The following ADAMTSL1 variants were observed in gnomAD, a reference collection of about 807,000 sequenced individuals.
ADAMTSL1 encodes the protein ADAMTS-like protein 1.
In ADAMTSL1, 126 loss-of-function variants were observed where a neutral mutation model predicts 201.8. That is an observed-to-expected ratio of 0.62 (90% CI 0.54 to 0.72). The LOEUF (loss-of-function observed/expected upper bound fraction) is 0.72. ADAMTSL1 is among the 30% of genes least tolerant of loss of function. ADAMTSL1 has a pLI of 0.00. For missense variants in ADAMTSL1, 2,679 were observed against 2,277.8 expected, an observed-to-expected ratio of 1.18 and a Z score of -3.59; for synonymous variants, 1,121 against 903.4, an observed-to-expected ratio of 1.24 and a Z score of -4.32.
chr9:17,974,827 C>A (rs1007565213), intron 1 of ADAMTSL1, among the ~76,000 whole-genome samples: 10 of 152,000 alleles, frequency 6.6e-5, no homozygotes, highest in African/African-American at 2.4e-4. Context: ...ATGAATAATG[C>A]TGCAATGAAC....
intron 7 of ADAMTSL1, among the ~76,000 whole-genome samples, chr9:18,647,754 G>C (rs1176224265): frequency 6.6e-6 from 1 of 151,654 alleles, no homozygotes; most frequent in Non-Finnish European, 1.5e-5. Flanking sequence ...CTGAGAGACA[G>C]TTTGTTATAA....
intron 25 of ADAMTSL1, among the ~76,000 whole-genome samples, chr9:18,890,125 G>GAAAC (rs1371496899): frequency 6.6e-6 from 1 of 152,180 alleles, no homozygotes; most frequent in Admixed American, 6.5e-5. Context: ...AAGGGCTGAG[G>GAAAC]AAACAACGAT....
intron 2 of ADAMTSL1, among the ~76,000 whole-genome samples, chr9:18,253,203 A>G (rs1247463894): frequency 3.3e-5 from 5 of 152,182 alleles, no homozygotes; most frequent in Admixed American, 6.5e-5. Flanking sequence ...ACCTATGTCT[A>G]TATATGAGTG....
intron 2 of ADAMTSL1, among the ~76,000 whole-genome samples, chr9:18,310,921 A>T (rs1834126126): frequency 6.6e-6 from 1 of 152,200 alleles, no homozygotes; most frequent in African/African-American, 2.4e-5. Context: ...TTATTGCAGC[A>T]CTATTCACAA....
At chr9:18,253,280 T>G (rs566117358) in intron 2 of ADAMTSL1, among the ~76,000 whole-genome samples, 2 of 152,288 alleles carry the variant, frequency 1.3e-5, no homozygotes, top group African/African-American at 4.8e-5. Flanking sequence ...ATTGGTTACC[T>G]CAGGAAGGAG....
chr9:18,347,114 T>G (rs1388178702), intron 2 of ADAMTSL1, among the ~76,000 whole-genome samples: 1 of 152,170 alleles, frequency 6.6e-6, no homozygotes, highest in East Asian at 1.9e-4. Flanking sequence ...AAATGTGCCT[T>G]AATCTCTTCT....
chr9:18,147,467 C>A (rs1394605346), intron 1 of ADAMTSL1, among the ~76,000 whole-genome samples: 1 of 152,082 alleles, frequency 6.6e-6, no homozygotes, highest in African/African-American at 2.4e-5. Context: ...TCATTCACTG[C>A]TTGGAACCAA....
intron 5 of ADAMTSL1, among the ~76,000 whole-genome samples, chr9:18,627,671 G>T (rs1006987670): frequency 2.0e-5 from 3 of 152,074 alleles, no homozygotes; most frequent in Non-Finnish European, 4.4e-5. Flanking sequence ...TTCCTCTTCT[G>T]CCTGCCTCTT....
chr9:18,723,193 G>A (rs1817652960), intron 15 of ADAMTSL1: 2 of 699,120 alleles, frequency 2.9e-6, no homozygotes, highest in Admixed American at 4.1e-5. Flanking sequence ...GAGATCCCAT[G>A]ACTTGCTCAC....
intron 3 of ADAMTSL1, among the ~76,000 whole-genome samples, chr9:18,558,738 G>C (rs912307666): frequency 1.3e-5 from 2 of 152,006 alleles, no homozygotes; most frequent in Non-Finnish European, 2.9e-5. Flanking sequence ...TTATAGATTT[G>C]ATTTCCATTT....
At chr9:18,519,066 A>G (rs932549011) in intron 2 of ADAMTSL1, among the ~76,000 whole-genome samples, 1 of 152,142 alleles carries the variant, frequency 6.6e-6, no homozygotes, top group Admixed American at 6.6e-5. Flanking sequence ...CACCTGTGAA[A>G]ATCCTAAATG....
rs750833838 is a variant in ADAMTSL1 at position 18,775,543 on chromosome 9, G to C, written c.2398-200G>C. Among the ~76,000 whole-genome samples the C allele has an allele frequency of 2.8e-4, 43 of 152,122 alleles. 1 individual carries two copies. The highest frequency in any genetic ancestry group is 2.6e-4 in the Non-Finnish European group (18 of 68,028). ...GATAAAAGGTCTTCAGGAAACCTCA[G>C]AGTAGAAAATCTTAGAGTGCAAAAT... On this transcript the variant is annotated intron_variant, in intron 17 of 28. Coordinates refer to ENST00000380548, the MANE Select transcript of ADAMTSL1 (RefSeq NM_001040272.6).
chr9:18,141,545 C>T (rs1826398578), intron 1 of ADAMTSL1, among the ~76,000 whole-genome samples: 1 of 152,174 alleles, frequency 6.6e-6, no homozygotes, highest in South Asian at 2.1e-4. Context: ...CAGCTAGAGG[C>T]AGCACAGAGG....
intron 19 of ADAMTSL1, chr9:18,793,200 T>C (rs1410216989): frequency 6.6e-6 from 1 of 152,262 alleles, no homozygotes; most frequent in Non-Finnish European, 1.5e-5. Flanking sequence ...GCTGCCCATA[T>C]ATAACTCGAT....
intron 1 of ADAMTSL1, among the ~76,000 whole-genome samples, chr9:18,007,115 C>T (rs997056524): frequency 6.6e-6 from 1 of 151,978 alleles, no homozygotes; most frequent in East Asian, 1.9e-4. Flanking sequence ...CAAGCATTTC[C>T]TTTGAAGGGG....
Position 18,592,602 on chromosome 9 carries a change from C to A in ADAMTSL1, c.474+18336C>A, listed in dbSNP as rs565403620. Among the ~76,000 whole-genome samples, 11 of 152,222 alleles carry A rather than the reference C, an allele frequency of 7.2e-5. No homozygotes were observed. The South Asian group carries it at 2.1e-3, about 29-fold the overall frequency. On this transcript the variant is annotated intron_variant, in intron 4 of 28. Transcript: ENST00000380548. Reference sequence around the variant, plus strand: ...GACTCCTTTGCAAAACTTCTCAGTACCATGCTATTTTCGTTACTATATCTC... The same window carrying A: ...GACTCCTTTGCAAAACTTCTCAGTAACATGCTATTTTCGTTACTATATCTC...
At chr9:18,861,385 C>T (rs996800280) in intron 23 of ADAMTSL1, among the ~76,000 whole-genome samples, 1 of 152,180 alleles carries the variant, frequency 6.6e-6, no homozygotes, top group Non-Finnish European at 1.5e-5. Context: ...GGTTTTAGGG[C>T]TCCTAAGTCC....
chr9:18,274,907 G>T (rs1349660228), intron 2 of ADAMTSL1, among the ~76,000 whole-genome samples: 3 of 152,118 alleles, frequency 2.0e-5, no homozygotes, highest in Admixed American at 6.6e-5. Flanking sequence ...CTGAAAGTTG[G>T]CACAGAAAAT....
At chr9:18,705,411 A>G (rs757955200) in intron 13 of ADAMTSL1, among the ~76,000 whole-genome samples, 5 of 152,154 alleles carry the variant, frequency 3.3e-5, no homozygotes, top group Non-Finnish European at 4.4e-5. Context: ...GGCCCCTCTC[A>G]AGGTCATTAT....
Sources: gnomAD v4.1 joint callset for allele counts (sites outside exome capture counted in the v4.1 genomes callset) on GRCh38, gnomAD v4.1.1 for gene constraint, MANE v1.5 for transcripts, NCBI Gene and HGNC (gene_info 2026-07-23, HGNC 2026-07-21) for gene names.